Variants in RNF44 observed in about 807,000 individuals in gnomAD.
RNF44 encodes ring finger protein 44.
In RNF44, 25 loss-of-function variants were observed where a neutral mutation model predicts 53.6. That is an observed-to-expected ratio of 0.47 (90% CI 0.34 to 0.65). The LOEUF is 0.65. RNF44 is among the 30% of genes least tolerant of loss of function. The pLI is 0.01. For synonymous variants in RNF44, 282 were observed against 252.2 expected, an observed-to-expected ratio of 1.12 and a Z score of -1.12; for missense variants, 581 against 595.5, an observed-to-expected ratio of 0.98 and a Z score of 0.25.
In RNF44 at chr5:176,530,712, A is replaced by C; in HGVS notation, c.671T>G (p.Leu224Arg). 6.5e-7 allele frequency: 1 copy of C among 1,550,218 alleles called. No homozygotes were observed. Among genetic ancestry groups the C allele is most frequent in the Non-Finnish European group, 8.7e-7 (1 of 1,150,948 alleles). The change falls in exon 6 of 11, where the codon CTG (leucine) becomes CGG (arginine). Residue 224 changes from leucine (L) to arginine (R), a missense_variant. Physicochemically the swap from Leu to Arg is moderately radical, Grantham distance 102. Coordinates refer to ENST00000274811, the MANE Select transcript of RNF44 (RefSeq NM_014901.5). ...PLQRLDNDVDLRGDQPSLGSF... is the reference protein window; with the variant it reads ...PLQRLDNDVDRRGDQPSLGSF... ...GCCCAGGGAGGGCTGGTCCCCACGC[A>C]GGTCCACGTCGTTGTCGAGCCGCTG...
In RNF44 at chr5:176,527,432, T is replaced by TG. The variant is rs1380948444; in HGVS notation, c.*1595dup. 2 of 152,504 alleles carry TG rather than the reference T, an allele frequency of 1.3e-5. No homozygotes were observed. Among genetic ancestry groups the TG allele is most frequent in the South Asian group, 2.1e-4 (1 of 4,826 alleles). The allele number at this position is 152,504 out of a possible 1,614,324, so 9.4% of individuals were successfully genotyped here. A position where few individuals can be genotyped will look rare whatever the true frequency, so the allele number is the denominator to read the frequency against. ...TGTAAGGGGTTTGAAAACGTTTTGTTGGGGTCGGGAAGGGAGGGGTTGGAG... is the reference window on the plus strand; with the variant it reads ...TGTAAGGGGTTTGAAAACGTTTTGTTGGGGGTCGGGAAGGGAGGGGTTGGAG... On this transcript the variant is annotated 3_prime_UTR_variant, in exon 11 of 11. Transcript: ENST00000274811.
chr5:176,539,737 G>T (rs1757405075), upstream of RNF44, among the ~76,000 whole-genome samples: 1 of 151,746 alleles, frequency 6.6e-6, no homozygotes, highest in Admixed American at 6.6e-5. Context: ...ATATTTGTTA[G>T]ATTACTGCCT....
upstream of RNF44, among the ~76,000 whole-genome samples, chr5:176,539,442 C>T (rs1219680377): frequency 2.6e-5 from 4 of 152,222 alleles, no homozygotes; most frequent in Non-Finnish European, 5.9e-5. Flanking sequence ...GTAATCCCAG[C>T]ACTTTGGGAG....
At chr5:176,538,684 G>C (rs1486264678), upstream of RNF44, among the ~76,000 whole-genome samples, 2 of 142,174 alleles carry the variant, frequency 1.4e-5, no homozygotes, top group African/African-American at 5.0e-5. Flanking sequence ...TAACCTGTGT[G>C]GTGGGCCATG....
At chr5:176,532,231 G>A (rs756356506) in intron 2 of RNF44, 38 bp from the exon 3 acceptor site, 7 of 1,490,410 alleles carry the variant, frequency 4.7e-6, no homozygotes, top group Admixed American at 4.8e-5. Flanking sequence ...GGACTGAGGG[G>A]GGCCACTCGT....
chr5:176,535,285 T>TA (rs1757050854), intron 1 of RNF44, among the ~76,000 whole-genome samples: 2 of 152,236 alleles, frequency 1.3e-5, no homozygotes, highest in South Asian at 4.1e-4. Context: ...AAGCAACTTG[T>TA]AAAGTTTGAA....
At chr5:176,536,612 C>T (rs1466759360) in intron 1 of RNF44, among the ~76,000 whole-genome samples, 1 of 152,180 alleles carries the variant, frequency 6.6e-6, no homozygotes, top group Non-Finnish European at 1.5e-5. Context: ...GGGGCCAGAA[C>T]GCTGCGACTT....
intron 1 of RNF44, among the ~76,000 whole-genome samples, chr5:176,532,795 G>A (rs1382188712): frequency 6.7e-6 from 1 of 149,762 alleles, no homozygotes; most frequent in African/African-American, 2.5e-5. Flanking sequence ...GAGAAGTCCA[G>A]GCGCTTGTGC....
rs1259028597 is a variant in RNF44, at chr5:176,537,236, G to A, written c.-341C>T. ...GCGCAGGACGCAGCTGGGTCTGCGC[G>A]GCAGCCGGCGGCTGGCCCTTTAAGA... On this transcript the variant is annotated 5_prime_UTR_variant, in exon 1 of 11. Transcript: ENST00000274811. 1.3e-5 allele frequency: 2 copies of A among 152,342 alleles called. No individual in the cohort carries two copies. The highest frequency in any genetic ancestry group is 2.4e-5 in the African/African-American group (1 of 41,466). The allele number at this position is 152,342 out of a possible 1,614,324, so 9.4% of individuals were successfully genotyped here. A position where few individuals can be genotyped will look rare whatever the true frequency, so the allele number is the denominator to read the frequency against.
chr5:176,540,660 G>A (rs1757426578), upstream of RNF44, among the ~76,000 whole-genome samples: 1 of 152,224 alleles, frequency 6.6e-6, no homozygotes, highest in Non-Finnish European at 1.5e-5. Context: ...CACGCTGGGT[G>A]GCGGATGCCC....
rs1756077101 is a variant in RNF44, at chr5:176,526,903, A to G, written c.*2125T>C. On this transcript the variant is annotated 3_prime_UTR_variant, in exon 11 of 11. Coordinates refer to ENST00000274811, the MANE Select transcript of RNF44 (RefSeq NM_014901.5). ...ACATACTAGTTATGTTAAATGCTAC[A>G]AACCAATGTGAATCCCATGGAATGG... 6.6e-6 allele frequency: 1 copy of G among 152,498 alleles called. No individual in the cohort carries two copies. The highest frequency in any genetic ancestry group is 2.1e-4 in the South Asian group (1 of 4,828). The allele number at this position is 152,498 out of a possible 1,614,324, so 9.4% of individuals were successfully genotyped here. A position where few individuals can be genotyped will look rare whatever the true frequency, so the allele number is the denominator to read the frequency against.
chr5:176,541,700 A>G (rs1358518094), upstream of RNF44, among the ~76,000 whole-genome samples: 1 of 152,204 alleles, frequency 6.6e-6, no homozygotes, highest in Non-Finnish European at 1.5e-5. Flanking sequence ...CACCTACCCC[A>G]GAGCCTGGAC....
At chr5:176,535,657 G>A (rs1337650963) in intron 1 of RNF44, among the ~76,000 whole-genome samples, 34 of 152,172 alleles carry the variant, frequency 2.2e-4, no homozygotes, top group Admixed American at 1.8e-3. Context: ...ACCTAATCCC[G>A]AGTCTCCAAG....
upstream of RNF44, among the ~76,000 whole-genome samples, chr5:176,541,924 C>G (rs1002495743): frequency 2.6e-5 from 4 of 152,178 alleles, no homozygotes; most frequent in African/African-American, 9.7e-5. Context: ...CAGAGCAGGG[C>G]CCAGAGCCTC....
Position 176,530,112 on chromosome 5 carries a change from G to A in RNF44, c.896C>T (p.Pro299Leu). The part of the protein sequence containing the change: ...PPPPPPPPPP[P>L]YYPSFLPYFL... ...GTAGGGCAGGAAGCTGGGGTAGTAGGGTGGTGGGGGTGGGGGTGGGGGCGG... is the reference window on the plus strand; with the variant it reads ...GTAGGGCAGGAAGCTGGGGTAGTAGAGTGGTGGGGGTGGGGGTGGGGGCGG... The change falls in exon 7 of 11, where the codon CCC (proline) becomes CTC (leucine). Residue 299 changes from proline to leucine, a missense_variant. Coordinates refer to ENST00000274811, the MANE Select transcript of RNF44 (RefSeq NM_014901.5). 3 of 1,297,974 alleles carry A rather than the reference G, an allele frequency of 2.3e-6. No homozygotes were observed. The highest frequency in any genetic ancestry group is 1.6e-5 in the African/African-American group (1 of 64,140). The allele number at this position is 1,297,974 out of a possible 1,614,324, so 80.4% of individuals were successfully genotyped here.
chr5:176,534,254 T>C (rs1336517115), intron 1 of RNF44, among the ~76,000 whole-genome samples: 2 of 152,202 alleles, frequency 1.3e-5, no homozygotes, highest in Admixed American at 6.5e-5. Flanking sequence ...CAACTGACAG[T>C]TGGGAGATTA....
At chr5:176,539,327 C>G (rs1247612772), upstream of RNF44, among the ~76,000 whole-genome samples, 1 of 152,226 alleles carries the variant, frequency 6.6e-6, no homozygotes, top group African/African-American at 2.4e-5. Context: ...TCCTTATCAT[C>G]AACTGTTCCT....
rs148181459 is a variant in RNF44, at chr5:176,531,484, G to A, written c.444C>T (p.Pro148=). 10 of 1,575,346 alleles carry A rather than the reference G, an allele frequency of 6.3e-6. No individual in the cohort carries two copies. Among genetic ancestry groups the A allele is most frequent in the African/African-American group, 1.4e-5 (1 of 73,830 alleles). The change falls in exon 4 of 11, where the codon CCC becomes CCT. Residue 148 remains proline (P), a synonymous_variant. Transcript: ENST00000274811. The surrounding 1 kb of genome is among the most constrained non-coding windows in gnomAD (Gnocchi z 4.2). ...TCACCGGGGGCGGGAGGCAGCAGAG[G>A]GGGTAATGCTGCCCACTGAACATCA... ...CSVMFSGQHY[P]LCCLPPPLIQ...
At chr5:176,535,803 C>T (rs1206573596) in intron 1 of RNF44, among the ~76,000 whole-genome samples, 1 of 152,184 alleles carries the variant, frequency 6.6e-6, no homozygotes, top group African/African-American at 2.4e-5. Flanking sequence ...AGGTGGCCTC[C>T]CCTAACAACT....
Sources: allele counts gnomAD v4.1 joint callset (sites outside exome capture counted in the v4.1 genomes callset), GRCh38; gene constraint gnomAD v4.1.1; non-coding constraint Gnocchi (gnomAD v3.1); transcripts MANE v1.5; gene names NCBI Gene and HGNC (gene_info 2026-07-23, HGNC 2026-07-21).